CHODL: variants seen among roughly 807,000 people sequenced by gnomAD.
CHODL encodes the protein transmembrane protein MT75.
CHODL carries 29 observed loss-of-function variants against 34.5 expected under a neutral mutation model. That is an observed-to-expected ratio of 0.84 (90% CI 0.63 to 1.15). The LOEUF (loss-of-function observed/expected upper bound fraction) is 1.15. Ranked by LOEUF, CHODL falls within the 50% of genes most tolerant of loss-of-function variation. The pLI, the probability that CHODL is intolerant of heterozygous loss-of-function variation, is 0.00. For missense variants in CHODL, 332 were observed against 332.5 expected, an observed-to-expected ratio of 1.00 and a Z score of 0.01; for synonymous variants, 125 against 116.1, an observed-to-expected ratio of 1.08 and a Z score of -0.49.
intron 1 of CHODL, among the ~76,000 whole-genome samples, chr21:17,958,484 T>C (rs1313919886): frequency 1.3e-5 from 2 of 152,162 alleles, no homozygotes; most frequent in Non-Finnish European, 2.9e-5. Context: ...CCCCTTCTAA[T>C]AACATTATCT....
At chr21:18,213,811 C>T (rs1055858882) in intron 2 of CHODL, among the ~76,000 whole-genome samples, 1 of 151,984 alleles carries the variant, frequency 6.6e-6, no homozygotes, top group Non-Finnish European at 1.5e-5. Flanking sequence ...GAGCTGAGAC[C>T]AGCAAATAGG....
At chr21:18,115,812 T>TTC (rs2065405626) in intron 2 of CHODL, among the ~76,000 whole-genome samples, 1 of 152,216 alleles carries the variant, frequency 6.6e-6, no homozygotes, top group Admixed American at 6.5e-5. Flanking sequence ...TGTATCCTGC[T>TTC]TCATCTTCTA....
intron 1 of CHODL, among the ~76,000 whole-genome samples, chr21:17,920,307 C>T (rs2063173870): frequency 6.6e-6 from 1 of 152,212 alleles, no homozygotes; most frequent in Non-Finnish European, 1.5e-5. Context: ...AATGGACTTA[C>T]AGTTTCACAT....
intron 2 of CHODL, among the ~76,000 whole-genome samples, chr21:18,183,029 T>G (rs2824691): frequency 0.16 from 24,184 of 152,154 alleles, 2,963 homozygotes; most frequent in East Asian, 0.66. Flanking sequence ...AAATTCTCCC[T>G]TATTGATTAA....
rs116019448 is a variant in CHODL at position 17,920,508 on chromosome 21, C to T, written c.-145+3108C>T. On this transcript the variant is annotated intron_variant, in intron 1 of 6. Transcript: ENST00000400127. ...CTGCCCCCATAATTTAATCACCTCC[C>T]ACTGGGTTCCTCCCATGACATATGA... Among the ~76,000 whole-genome samples the T allele has an allele frequency of 8.0e-3, 1,215 of 152,318 alleles. 17 individuals are homozygous for T. The highest frequency in any genetic ancestry group is 0.027 in the African/African-American group (1,119 of 41,556).
At chr21:18,169,777 C>T (rs1337772489) in intron 2 of CHODL, among the ~76,000 whole-genome samples, 1 of 151,994 alleles carries the variant, frequency 6.6e-6, no homozygotes, top group African/African-American at 2.4e-5. Flanking sequence ...ACCACATTAG[C>T]TGTATTCCAT....
intron 1 of CHODL, among the ~76,000 whole-genome samples, chr21:17,981,891 T>C (rs554917696): frequency 6.6e-6 from 1 of 152,280 alleles, no homozygotes; most frequent in South Asian, 2.1e-4. Flanking sequence ...AGAAGACAAA[T>C]GAAAATGTAT....
At chr21:18,026,564 C>G (rs1037606415) in intron 1 of CHODL, among the ~76,000 whole-genome samples, 5 of 152,204 alleles carry the variant, frequency 3.3e-5, no homozygotes, top group African/African-American at 9.7e-5. Context: ...GCATATGGAA[C>G]AGATGCATGG....
intron 2 of CHODL, among the ~76,000 whole-genome samples, chr21:18,193,733 A>AAAT (rs2073545891): frequency 2.0e-5 from 3 of 150,366 alleles, no homozygotes. Flanking sequence ...ATAAATAAAT[A>AAAT]AATAAATAAA....
At chr21:18,002,012 A>G (rs1422133160) in intron 1 of CHODL, among the ~76,000 whole-genome samples, 3 of 152,124 alleles carry the variant, frequency 2.0e-5, no homozygotes, top group Admixed American at 1.3e-4. Flanking sequence ...ATATCTAATC[A>G]GCTGTTTATT....
chr21:18,251,534 A>ATTTAATATATAAAATAAATAT (rs1555886294), intron 1 of CHODL, among the ~76,000 whole-genome samples: 1 of 914 alleles, frequency 1.1e-3, no homozygotes, highest in African/African-American at 2.4e-3. Flanking sequence ...TATTTTATTT[A>ATTTAATATATAAAATAAATAT]TTATTTTAAT....
chr21:17,966,790 G>C (rs2063575029), intron 1 of CHODL, among the ~76,000 whole-genome samples: 1 of 152,080 alleles, frequency 6.6e-6, no homozygotes, highest in African/African-American at 2.4e-5. Context: ...ACTTGCCTGG[G>C]CCTCTAGTTA....
At chr21:18,251,581 T>A (rs1394181591) in intron 1 of CHODL, among the ~76,000 whole-genome samples, 1 of 86,508 alleles carries the variant, frequency 1.2e-5, no homozygotes, top group Non-Finnish European at 2.2e-5. Context: ...TTTTAATATA[T>A]AAAATATTTA....
At chr21:17,978,645 A>G (rs1174136061) in intron 1 of CHODL, among the ~76,000 whole-genome samples, 4 of 150,584 alleles carry the variant, frequency 2.7e-5, no homozygotes, top group South Asian at 2.1e-4. Flanking sequence ...GTGAACCCAG[A>G]AGGCGGAGCT....
rs140441216 is a variant in CHODL, at chr21:17,928,416, C to T, written c.-145+11016C>T. Among the ~76,000 whole-genome samples the T allele has an allele frequency of 7.6e-3, 1,158 of 151,858 alleles. 19 individuals are homozygous for T. Among genetic ancestry groups the T allele is most frequent in the African/African-American group, 0.026 (1,078 of 41,374 alleles). On this transcript the variant is annotated intron_variant, in intron 1 of 6. Transcript: ENST00000400127. Reference sequence around the variant, plus strand: ...GGTAGAGATGCTGGGGGAAGGCTACCCAAAGAAAAAGGACCTTGAGGTGAC... The same window carrying T: ...GGTAGAGATGCTGGGGGAAGGCTACTCAAAGAAAAAGGACCTTGAGGTGAC...
intron 1 of CHODL, among the ~76,000 whole-genome samples, chr21:17,984,144 A>G (rs1177084913): frequency 1.3e-5 from 2 of 152,182 alleles, no homozygotes; most frequent in Non-Finnish European, 1.5e-5. Context: ...TGTAAGTGGA[A>G]TCATGCAGTG....
At chr21:18,122,062 T>C (rs573812129) in intron 2 of CHODL, among the ~76,000 whole-genome samples, 41 of 152,194 alleles carry the variant, frequency 2.7e-4, no homozygotes, top group Non-Finnish European at 5.6e-4. Context: ...GCAACTATAC[T>C]CTTAAATTTT....
At chr21:18,085,922 A>G (rs1354350749) in intron 2 of CHODL, among the ~76,000 whole-genome samples, 1 of 151,560 alleles carries the variant, frequency 6.6e-6, no homozygotes, top group African/African-American at 2.4e-5. Context: ...GGAAGTTTTC[A>G]TTGATTATTT....
intron 1 of CHODL, among the ~76,000 whole-genome samples, chr21:17,992,594 T>C (rs1039274149): frequency 1.3e-5 from 2 of 152,124 alleles, no homozygotes; most frequent in African/African-American, 4.8e-5. Context: ...ATTGCTTTCT[T>C]GATGTCTTTT....
Sources: gnomAD v4.1 joint callset for allele counts (sites outside exome capture counted in the v4.1 genomes callset) on GRCh38, gnomAD v4.1.1 for gene constraint, MANE v1.5 for transcripts, NCBI Gene and HGNC (gene_info 2026-07-23, HGNC 2026-07-21) for gene names.